The following ZFP41 variants were observed in gnomAD, a reference collection of about 807,000 sequenced individuals.
ZFP41 encodes zinc finger protein 41 homolog.
A neutral mutation model predicts 11.6 loss-of-function variants in ZFP41; 10 were observed. That is an observed-to-expected ratio of 0.86 (90% CI 0.53 to 1.47). The LOEUF is 1.47. Among genes scored for constraint, ZFP41 ranks in the 40% most tolerant of loss-of-function variants. The pLI is 0.00. For missense variants in ZFP41, 302 were observed against 264.6 expected, an observed-to-expected ratio of 1.14 and a Z score of -0.98; for synonymous variants, 123 against 100.9, an observed-to-expected ratio of 1.22 and a Z score of -1.31.
At position 143,262,065 on chromosome 8, in the gene ZFP41, C is replaced by T. The variant is rs1041269103; in HGVS notation, c.*3191C>T. 19 of 181,560 alleles carry T rather than the reference C, an allele frequency of 1.0e-4. No homozygotes were observed. Among genetic ancestry groups the T allele is most frequent in the Middle Eastern group, 2.3e-3 (1 of 438 alleles). 11.2% of individuals were successfully genotyped at this position (181,560 alleles called of 1,614,324 possible). ...ACGGCTGTCTCCGGCAGCCCCTGCCCGCGCCCGCACCTCTGCACCTCCCAC... is the reference window on the plus strand; with the variant it reads ...ACGGCTGTCTCCGGCAGCCCCTGCCTGCGCCCGCACCTCTGCACCTCCCAC... On this transcript the variant is annotated 3_prime_UTR_variant, in exon 3 of 3. Coordinates refer to ENST00000330701, the MANE Select transcript of ZFP41 (RefSeq NM_173832.6).
intron 2 of ZFP41, among the ~76,000 whole-genome samples, chr8:143,252,440 G>T (rs1814788721): frequency 6.6e-6 from 1 of 152,252 alleles, no homozygotes; most frequent in African/African-American, 2.4e-5. Flanking sequence ...GGTTGAGGCT[G>T]TGTTGGCCTT....
rs1003608234 is a variant in ZFP41 at position 143,250,775 on chromosome 8, T to C, written c.*335T>C. On this transcript the variant is annotated 3_prime_UTR_variant, in exon 2 of 3. Coordinates refer to ENST00000330701, the MANE Select transcript of ZFP41 (RefSeq NM_173832.6). ...AGTATTCACTGCCATCCATTGGACGTGTTTGGGTCACCTCAGAGCACCCAG... is the reference window on the plus strand; with the variant it reads ...AGTATTCACTGCCATCCATTGGACGCGTTTGGGTCACCTCAGAGCACCCAG... 1 of 359,580 alleles carries C rather than the reference T, an allele frequency of 2.8e-6. No homozygotes were observed. The highest frequency in any genetic ancestry group is 5.4e-6 in the Non-Finnish European group (1 of 184,668). 22.3% of individuals were successfully genotyped at this position (359,580 alleles called of 1,614,324 possible).
In ZFP41 at chr8:143,250,531, C is replaced by T. The variant is rs1405139057; in HGVS notation, c.*91C>T. On this transcript the variant is annotated 3_prime_UTR_variant, in exon 2 of 3. Coordinates refer to ENST00000330701, the MANE Select transcript of ZFP41 (RefSeq NM_173832.6). ...CCTCGTGTCCCGCGTCTGATGGGGG[C>T]GCAGGGCCGTGCGCACTGTGTTCCG... 11 of 1,536,928 alleles carry T rather than the reference C, an allele frequency of 7.2e-6. No individual in the cohort carries two copies. Among genetic ancestry groups the T allele is most frequent in the African/African-American group, 4.1e-5 (3 of 72,614 alleles).
intron 2 of ZFP41, among the ~76,000 whole-genome samples, chr8:143,254,851 G>A (rs916801212): frequency 6.6e-6 from 1 of 152,072 alleles, no homozygotes; most frequent in African/African-American, 2.4e-5. Context: ...CAGGAAGGAA[G>A]CATTACTTTT....
At chr8:143,256,642 C>A (rs879440670) in intron 2 of ZFP41, among the ~76,000 whole-genome samples, 1 of 152,170 alleles carries the variant, frequency 6.6e-6, no homozygotes, top group Non-Finnish European at 1.5e-5. Flanking sequence ...CTTTGGAAGG[C>A]CGAGGCAGGA....
intron 1 of ZFP41, chr8:143,249,414 A>G (rs73376285): frequency 0.02 from 3,194 of 162,640 alleles, 131 homozygotes; most frequent in African/African-American, 0.073. Context: ...GGAGGAGGGA[A>G]GCCGCAGGGC....
chr8:143,253,966 A>C (rs116868688), intron 2 of ZFP41, among the ~76,000 whole-genome samples: 1 of 151,860 alleles, frequency 6.6e-6, no homozygotes, highest in Non-Finnish European at 1.5e-5. Context: ...GGAGCGTGCA[A>C]CCTAGATCCC....
At chr8:143,259,221 G>C (rs1261672405) in intron 2 of ZFP41, among the ~76,000 whole-genome samples, 2 of 152,236 alleles carry the variant, frequency 1.3e-5, no homozygotes, top group African/African-American at 4.8e-5. Context: ...ACTGAGCAGA[G>C]AATGTAAGGC....
At position 143,250,250 on chromosome 8, in the gene ZFP41, C is replaced by T. The variant is rs1400720901; in HGVS notation, c.407C>T (p.Thr136Ile). 1.2e-6 allele frequency: 2 copies of T among 1,614,082 alleles called. No homozygotes were observed. Among genetic ancestry groups the T allele is most frequent in the Admixed American group, 3.3e-5 (2 of 60,020 alleles). The change falls in exon 2 of 3, where the codon ACT becomes ATT. Residue 136 changes from threonine (T) to isoleucine (I), a missense_variant. Coordinates refer to ENST00000330701, the MANE Select transcript of ZFP41 (RefSeq NM_173832.6). ...HSSDVTKHQR[T>I]HTGEKPFKCG... The stretch of plus-strand genomic sequence containing the variant: ...TCTGACGTCACCAAACACCAGAGGA[C>T]TCACACGGGAGAGAAGCCCTTCAAA...
At position 143,262,577 on chromosome 8, in the gene ZFP41, T is replaced by G. The variant is rs1043214589; in HGVS notation, c.*3703T>G. The G allele has an allele frequency of 1.3e-5, 2 of 152,312 alleles. No homozygotes were observed. Among genetic ancestry groups the G allele is most frequent in the Non-Finnish European group, 2.9e-5 (2 of 68,078 alleles). The allele number at this position is 152,312 out of a possible 1,614,324, so 9.4% of individuals were successfully genotyped here. On this transcript the variant is annotated 3_prime_UTR_variant, in exon 3 of 3. Transcript: ENST00000330701. ...TGCGCTTTCTGTGACTTGCTCTGCG[T>G]GAGTCCTCGGTCCACGTGGGCCGTT... is the stretch of plus-strand genomic sequence containing the variant.
At chr8:143,254,541 C>G (rs1329829777) in intron 2 of ZFP41, among the ~76,000 whole-genome samples, 1 of 152,014 alleles carries the variant, frequency 6.6e-6, no homozygotes, top group Non-Finnish European at 1.5e-5. Context: ...GACGGGCACG[C>G]ATTCCCTGGT....
intron 1 of ZFP41, among the ~76,000 whole-genome samples, chr8:143,248,746 A>G (rs1816739562): frequency 6.6e-6 from 1 of 152,002 alleles, no homozygotes; most frequent in African/African-American, 2.4e-5. Flanking sequence ...CCCTCAGCAC[A>G]CGTGGCCTTC....
intron 2 of ZFP41, among the ~76,000 whole-genome samples, chr8:143,255,430 C>T (rs1158224484): frequency 6.6e-6 from 1 of 151,736 alleles, no homozygotes; most frequent in Non-Finnish European, 1.5e-5. Flanking sequence ...GCTCGCCCCG[C>T]GTGCTGGTGT....
In ZFP41 at chr8:143,249,920, G is replaced by T. The variant is rs1816765405; in HGVS notation, c.77G>T (p.Arg26Ile). The T allele has an allele frequency of 2.5e-6, 4 of 1,613,750 alleles. No individual in the cohort carries two copies. The highest frequency in any genetic ancestry group is 1.7e-5 in the Admixed American group (1 of 59,962). The change falls in exon 2 of 3, where the codon AGA becomes ATA. Residue 26 changes from arginine (R) to isoleucine (I), a missense_variant. By Grantham distance (97) the Arg-to-Ile change is moderately conservative (BLOSUM62 -3). Transcript: ENST00000330701. ...GCAGACGTGCAGAAGAGTGCGCTCAGAGAGGAGAAGGTGTCCGGGGACAGA... is the reference window on the plus strand; with the variant it reads ...GCAGACGTGCAGAAGAGTGCGCTCATAGAGGAGAAGGTGTCCGGGGACAGA... ...EEADVQKSAL[R>I]EEKVSGDRKP...
intron 2 of ZFP41, among the ~76,000 whole-genome samples, chr8:143,252,069 C>T (rs936475782): frequency 2.0e-5 from 3 of 152,230 alleles, no homozygotes; most frequent in Non-Finnish European, 2.9e-5. Context: ...ATGGGCTGCA[C>T]TGACAGATGT....
At position 143,250,653 on chromosome 8, in the gene ZFP41, C is replaced by T. The variant is rs191134951; in HGVS notation, c.*213C>T. On this transcript the variant is annotated 3_prime_UTR_variant, in exon 2 of 3. Transcript: ENST00000330701. ...CTGCAGAGAGTCTCTCTGATCAAGA[C>T]ACCGCAGTGATGGAGAAGCCACCAG... 5.2e-4 allele frequency: 398 copies of T among 761,988 alleles called. 2 individuals carry two copies. The East Asian group carries it at 0.01, about 20-fold the overall frequency. The allele number at this position is 761,988 out of a possible 1,614,324, so 47.2% of individuals were successfully genotyped here. A position where few individuals can be genotyped will look rare whatever the true frequency, so the allele number is the denominator to read the frequency against.
intron 2 of ZFP41, chr8:143,252,589 C>T (rs545381960): frequency 6.0e-5 from 59 of 978,644 alleles, no homozygotes; most frequent in Non-Finnish European, 6.9e-5. Context: ...CCGCCTCAGT[C>T]GCTGCTGGAA....
At chr8:143,257,564 A>G (rs922424859) in intron 2 of ZFP41, among the ~76,000 whole-genome samples, 1 of 152,244 alleles carries the variant, frequency 6.6e-6, no homozygotes, top group Non-Finnish European at 1.5e-5. Flanking sequence ...AACAGACACC[A>G]TTGAGAGGAC....
intron 2 of ZFP41, chr8:143,253,157 ACAG>A (rs56330502): frequency 0.39 from 58,791 of 152,122 alleles, 13,729 homozygotes; most frequent in East Asian, 0.69. Flanking sequence ...AACTGCAGGC[ACAG>A]TCAACTGCAG....
Sources: allele counts gnomAD v4.1 joint callset (sites outside exome capture counted in the v4.1 genomes callset), GRCh38; gene constraint gnomAD v4.1.1; transcripts MANE v1.5; gene names NCBI Gene and HGNC (gene_info 2026-07-23, HGNC 2026-07-21).